GNPTAB: variants seen among roughly 807,000 people sequenced by gnomAD.
GNPTAB encodes N-acetylglucosamine-1-phosphate transferase subunits alpha and beta.
In GNPTAB, 92 loss-of-function variants were observed where a neutral mutation model predicts 136.6. That is an observed-to-expected ratio of 0.67 (90% CI 0.57 to 0.80). The LOEUF (loss-of-function observed/expected upper bound fraction) is 0.80, where lower values mean the gene tolerates loss of function less well. GNPTAB is among the 30% of genes least tolerant of loss of function. GNPTAB has a pLI of 0.00. For synonymous variants in GNPTAB, 512 were observed against 535.1 expected, an observed-to-expected ratio of 0.96 and a Z score of 0.60; for missense variants, 1,343 against 1,501.8, an observed-to-expected ratio of 0.89 and a Z score of 1.75.
chr12:101,790,796 G>C lies in GNPTAB; in HGVS notation c.204-739C>G, dbSNP rs192970026. Reference sequence around the variant, plus strand: ...AAAAGTTATCAAAACCCACAATGAAGACCTAACCCTACTTAATGCTGTAGC... The same window carrying C: ...AAAAGTTATCAAAACCCACAATGAACACCTAACCCTACTTAATGCTGTAGC... On this transcript the variant is annotated intron_variant, in intron 2 of 20. Coordinates refer to ENST00000299314, the MANE Select transcript of GNPTAB (RefSeq NM_024312.5). 2.9e-4 allele frequency among the ~76,000 whole-genome samples: 43 copies of C among 149,252 alleles called. No individual in the cohort carries two copies. In the East Asian group the frequency reaches 7.2e-3, roughly 25 times the overall value.
At chr12:101,809,897 G>C (rs2137173604) in intron 1 of GNPTAB, among the ~76,000 whole-genome samples, 1 of 152,344 alleles carries the variant, frequency 6.6e-6, no homozygotes, top group Admixed American at 6.5e-5. Flanking sequence ...ATGAATCCTA[G>C]TGTAATCTAT....
In GNPTAB at chr12:101,830,638, CA is replaced by C; in HGVS notation, c.37del (p.Cys13AlafsTer70). The C allele has an allele frequency of 6.2e-7, 1 of 1,611,998 alleles. No homozygotes were observed. The highest frequency in any genetic ancestry group is 8.5e-7 in the Non-Finnish European group (1 of 1,178,476). The stretch of plus-strand genomic sequence containing the variant: ...GTAGAGCCCATACCTGTGGGACAGG[CA>C]GGTATAGGTCTGTCTCTGCAGGAGC... ...FKLLQRQTYTCLSHRYGLYVC... is the reference protein window; with the variant it reads ...FKLLQRQTYTXLSHRYGLYVC... On this transcript the variant is annotated frameshift_variant, in exon 1 of 21. Transcript: ENST00000299314. LOFTEE classifies it high-confidence loss of function.
intron 11 of GNPTAB, among the ~76,000 whole-genome samples, chr12:101,766,683 G>A (rs116426258): frequency 0.012 from 1,822 of 152,210 alleles, 26 homozygotes; most frequent in African/African-American, 0.042. Context: ...TCATATTGAT[G>A]TTTTCAAGGT....
rs1430287278 is a variant in GNPTAB at position 101,760,056 on chromosome 12, G to A, written c.3223C>T (p.Gln1075Ter). ...ITQLNNIPPT[Q>*]ESYYDPNLPP... Reference sequence around the variant, plus strand: ...AGGTTGGGATCATAGTAGGATTCCTGAGTTGGTGGAATATTATTTAGCTGC... The same window carrying A: ...AGGTTGGGATCATAGTAGGATTCCTAAGTTGGTGGAATATTATTTAGCTGC... Residue 1075 changes from glutamine (Q) to a stop codon, truncating the protein, a stop_gained, in exon 16 of 21, where the codon CAG becomes TAG. Transcript: ENST00000299314. LOFTEE classifies it high-confidence loss of function. 6.2e-7 allele frequency: 1 copy of A among 1,610,976 alleles called. No homozygotes were observed. The highest frequency in any genetic ancestry group is 8.5e-7 in the Non-Finnish European group (1 of 1,177,272).
At chr12:101,816,493 T>C (rs1870514365) in intron 1 of GNPTAB, among the ~76,000 whole-genome samples, 1 of 152,150 alleles carries the variant, frequency 6.6e-6, no homozygotes, top group Non-Finnish European at 1.5e-5. Context: ...AAAACCACAG[T>C]GAGACATCTC....
chr12:101,793,282 G>A (rs1047744757), intron 2 of GNPTAB, among the ~76,000 whole-genome samples: 7 of 152,026 alleles, frequency 4.6e-5, no homozygotes, highest in Non-Finnish European at 8.8e-5. Context: ...AACCTCCCAG[G>A]TGATTTATGC....
intron 1 of GNPTAB, among the ~76,000 whole-genome samples, chr12:101,826,171 T>C (rs371623169): frequency 1.3e-5 from 2 of 152,194 alleles, no homozygotes; most frequent in East Asian, 3.8e-4. Context: ...AAATAACTCA[T>C]TGATTCAAAA....
At chr12:101,796,157 C>T in intron 2 of GNPTAB, 3 of 695,546 alleles carry the variant, frequency 4.3e-6, no homozygotes, top group South Asian at 1.5e-5. Context: ...TCCCATTTCA[C>T]AGGACGCTGT....
chr12:101,802,321 A>T (rs1206139549), intron 1 of GNPTAB, among the ~76,000 whole-genome samples: 1 of 152,194 alleles, frequency 6.6e-6, no homozygotes, highest in Admixed American at 6.5e-5. Flanking sequence ...TCTTTGGAGC[A>T]AGGCTGAACT....
intron 1 of GNPTAB, among the ~76,000 whole-genome samples, chr12:101,806,637 G>A (rs1456730463): frequency 6.6e-6 from 1 of 152,072 alleles, no homozygotes; most frequent in Non-Finnish European, 1.5e-5. Flanking sequence ...AAAAAATTAA[G>A]GAGCATTATG....
chr12:101,783,888 T>C (rs183197653), intron 5 of GNPTAB, among the ~76,000 whole-genome samples: 1 of 143,908 alleles, frequency 6.9e-6, no homozygotes, highest in Non-Finnish European at 1.5e-5. Context: ...CTAATTTTTG[T>C]TTTTTTTTTT....
At chr12:101,828,681 C>A (rs535299792) in intron 1 of GNPTAB, among the ~76,000 whole-genome samples, 13 of 151,702 alleles carry the variant, frequency 8.6e-5, no homozygotes, top group African/African-American at 2.9e-4. Context: ...CAGTGTGAGA[C>A]TCCATCTCAA....
At chr12:101,807,529 CTTTGTTCACCGATG>C (rs1297560788) in intron 1 of GNPTAB, among the ~76,000 whole-genome samples, 4 of 151,960 alleles carry the variant, frequency 2.6e-5, no homozygotes, top group Non-Finnish European at 4.4e-5. Context: ...AAAAAACTGT[CTTTGTTCACCGATG>C]ACATGACTGT....
In GNPTAB at chr12:101,796,773, G is replaced by GA. The variant is rs1869318563; in HGVS notation, c.118-12dup. ...CCATTCCAGAACCACCTAGAACAAA[G>GA]AAAAAGAAACGTTTTCTTCGCATCA... On this transcript the variant is annotated splice_polypyrimidine_tract_variant and intron_variant, in intron 1 of 20. Coordinates refer to ENST00000299314, the MANE Select transcript of GNPTAB (RefSeq NM_024312.5). The GA allele has an allele frequency of 4.4e-6, 7 of 1,581,916 alleles. No individual in the cohort carries two copies. The highest frequency in any genetic ancestry group is 6.1e-6 in the Non-Finnish European group (7 of 1,154,446).
intron 7 of GNPTAB, chr12:101,779,802 T>C (rs1026461872): frequency 3.1e-6 from 1 of 322,170 alleles, no homozygotes; most frequent in Non-Finnish European, 6.0e-6. Flanking sequence ...ACCTAAGACA[T>C]TGTAGGAGCT....
At chr12:101,780,060 A>T (rs764748167) in intron 7 of GNPTAB, 92 bp downstream of exon 7, 1 of 1,278,528 alleles carries the variant, frequency 7.8e-7, no homozygotes, top group African/African-American at 1.5e-5. Context: ...TTTATCAGCT[A>T]AACTTTGGGG....
chr12:101,749,907 A>G (rs1487937259), intron 19 of GNPTAB, among the ~76,000 whole-genome samples: 1 of 152,254 alleles, frequency 6.6e-6, no homozygotes, highest in Non-Finnish European at 1.5e-5. Context: ...GGGTCTGGAC[A>G]GAACACTCTA....
At chr12:101,801,002 G>A (rs1157791923) in intron 1 of GNPTAB, among the ~76,000 whole-genome samples, 1 of 151,902 alleles carries the variant, frequency 6.6e-6, no homozygotes, top group East Asian at 1.9e-4. Context: ...CGGAGGCTGA[G>A]GTGGGAGAAT....
intron 13 of GNPTAB, among the ~76,000 whole-genome samples, chr12:101,763,057 C>T (rs935223966): frequency 6.6e-6 from 1 of 151,786 alleles, no homozygotes; most frequent in African/African-American, 2.4e-5. Context: ...CCCGTCTCCA[C>T]TAAAAATACA....
Sources: allele counts gnomAD v4.1 joint callset (sites outside exome capture counted in the v4.1 genomes callset), GRCh38; gene constraint gnomAD v4.1.1; transcripts MANE v1.5; gene names NCBI Gene and HGNC (gene_info 2026-07-23, HGNC 2026-07-21).